FGGY: variants seen among roughly 807,000 people sequenced by gnomAD.
FGGY encodes FGGY carbohydrate kinase domain-containing protein.
Under a neutral mutation model 71.3 loss-of-function variants are expected in FGGY, and 72 were observed. The observed-to-expected ratio is 1.01, with a 90% CI of 0.84 to 1.23. FGGY has a LOEUF of 1.23. FGGY is among the 50% of genes most tolerant of loss of function. The probability of loss-of-function intolerance (pLI) is 0.00; values close to 1 mark genes in which losing one functional copy is unlikely to be tolerated. For missense variants in FGGY, 668 were observed against 682.3 expected, an observed-to-expected ratio of 0.98 and a Z score of 0.23; for synonymous variants, 251 against 250.3, an observed-to-expected ratio of 1.00 and a Z score of -0.02.
intron 5 of FGGY, among the ~76,000 whole-genome samples, chr1:59,400,876 A>G (rs1285372804): frequency 1.3e-5 from 2 of 152,110 alleles, no homozygotes; most frequent in African/African-American, 4.8e-5. Context: ...GGCTCGAGCA[A>G]TCTGCCCTCC....
At chr1:59,305,829 T>C (rs2043357966) in intron 1 of FGGY, among the ~76,000 whole-genome samples, 1 of 152,228 alleles carries the variant, frequency 6.6e-6, no homozygotes, top group South Asian at 2.1e-4. Context: ...GTACGGATGA[T>C]TAGTACTCTC....
intron 2 of FGGY, among the ~76,000 whole-genome samples, chr1:59,336,944 T>C (rs2049665580): frequency 6.6e-6 from 1 of 151,506 alleles, no homozygotes; most frequent in African/African-American, 2.4e-5. Context: ...CTGAATGTAT[T>C]TGTCAGGTTT....
Position 59,535,340 on chromosome 1 carries a change from G to T in FGGY, c.800-18784G>T, listed in dbSNP as rs1434743327. Among the ~76,000 whole-genome samples, 3 of 152,164 alleles carry T rather than the reference G, an allele frequency of 2.0e-5. No individual in the cohort carries two copies. The East Asian group carries it at 5.8e-4, about 29-fold the overall frequency. On this transcript the variant is annotated intron_variant, in intron 7 of 15. Coordinates refer to ENST00000303721, the MANE Select transcript of FGGY (RefSeq NM_018291.5). The stretch of plus-strand genomic sequence containing the variant: ...CACCCAGATTCATAAAGCAAGTCCT[G>T]AGTGACCTACAAAGAGACTTAGACT...
rs1221165957 is a variant in FGGY at position 59,599,090 on chromosome 1, A to ATGTT, written c.904-8712_904-8709dup. Among the ~76,000 whole-genome samples the ATGTT allele has an allele frequency of 2.6e-3, 356 of 135,814 alleles. 5 individuals carry two copies. Among genetic ancestry groups the ATGTT allele is most frequent in the African/African-American group, 8.4e-3 (338 of 40,170 alleles). 89.1% of individuals were successfully genotyped at this position (135,814 alleles called of 152,430 possible). On this transcript the variant is annotated intron_variant, in intron 8 of 15. Coordinates refer to ENST00000303721, the MANE Select transcript of FGGY (RefSeq NM_018291.5). The stretch of plus-strand genomic sequence containing the variant: ...GATAACATTGAGTTCAGTCCTACAC[A>ATGTT]TGTTCGTTTGTTTGTTTGTTTGTTT...
intron 9 of FGGY, among the ~76,000 whole-genome samples, chr1:59,612,042 C>T (rs1177874449): frequency 2.0e-5 from 3 of 152,110 alleles, no homozygotes; most frequent in Admixed American, 6.5e-5. Flanking sequence ...CTGAAAGTGA[C>T]GGGGAGAATG....
At position 59,388,934 on chromosome 1, in the gene FGGY, C is replaced by T. The variant is rs550873542; in HGVS notation, c.554+10097C>T. Among the ~76,000 whole-genome samples, 3 of 152,038 alleles carry T rather than the reference C, an allele frequency of 2.0e-5. No homozygotes were observed. In the East Asian group the frequency reaches 5.8e-4, roughly 29 times the overall value. ...CTGCTACTATTAAATAATAACTCCC[C>T]ATTTCCCTCTTTACCTATCCCCTCT... On this transcript the variant is annotated intron_variant, in intron 5 of 15. Transcript: ENST00000303721.
At chr1:59,369,649 C>A (rs2057233878) in intron 4 of FGGY, among the ~76,000 whole-genome samples, 1 of 152,210 alleles carries the variant, frequency 6.6e-6, no homozygotes, top group South Asian at 2.1e-4. Flanking sequence ...AGCAGCCTAA[C>A]TGGGAGGCAC....
chr1:59,698,710 C>T (rs1363706684), intron 14 of FGGY: 4 of 966,866 alleles, frequency 4.1e-6, no homozygotes, highest in East Asian at 1.1e-4. Flanking sequence ...AGGGATGAAT[C>T]CATTACCTTT....
intron 14 of FGGY, among the ~76,000 whole-genome samples, chr1:59,690,378 C>T (rs533451147): frequency 1.6e-4 from 24 of 152,170 alleles, no homozygotes; most frequent in African/African-American, 2.9e-4. Context: ...CAAGAGGCCA[C>T]GCGCTTTCCC....
At chr1:59,645,025 T>G (rs2097078683) in intron 11 of FGGY, among the ~76,000 whole-genome samples, 1 of 152,066 alleles carries the variant, frequency 6.6e-6, no homozygotes, top group Non-Finnish European at 1.5e-5. Flanking sequence ...CAGGAATAGT[T>G]GCATGTTTTA....
intron 15 of FGGY, among the ~76,000 whole-genome samples, chr1:59,760,543 C>T (rs888582531): frequency 1.3e-5 from 2 of 152,122 alleles, no homozygotes; most frequent in South Asian, 2.1e-4. Context: ...TGAGAGCAAC[C>T]TAAGTGTTCA....
At chr1:59,638,814 G>A (rs569748189) in intron 11 of FGGY, among the ~76,000 whole-genome samples, 1 of 152,310 alleles carries the variant, frequency 6.6e-6, no homozygotes, top group East Asian at 1.9e-4. Context: ...CACTAATATA[G>A]TTAGGATTTC....
At chr1:59,478,329 A>T (rs919200706) in intron 6 of FGGY, among the ~76,000 whole-genome samples, 3 of 152,240 alleles carry the variant, frequency 2.0e-5, no homozygotes, top group African/African-American at 7.2e-5. Flanking sequence ...AATTGACAGC[A>T]TATTGAAGCC....
At chr1:59,708,340 C>T (rs948614389) in intron 14 of FGGY, among the ~76,000 whole-genome samples, 6 of 152,058 alleles carry the variant, frequency 3.9e-5, no homozygotes, top group Non-Finnish European at 8.8e-5. Context: ...TCCCAGATTT[C>T]CAGAGTTACT....
chr1:59,307,945 G>A (rs897034331), intron 1 of FGGY, among the ~76,000 whole-genome samples: 3 of 152,122 alleles, frequency 2.0e-5, no homozygotes, highest in Non-Finnish European at 4.4e-5. Flanking sequence ...TGGATGCTGG[G>A]CTGGATGGGC....
At chr1:59,455,710 A>G (rs1251992365) in intron 5 of FGGY, among the ~76,000 whole-genome samples, 1 of 152,232 alleles carries the variant, frequency 6.6e-6, no homozygotes, top group Non-Finnish European at 1.5e-5. Context: ...CCAGCATGAT[A>G]AGGGCTATGG....
chr1:59,348,967 A>G (rs1200935676), intron 4 of FGGY, among the ~76,000 whole-genome samples: 2 of 152,128 alleles, frequency 1.3e-5, no homozygotes, highest in Non-Finnish European at 2.9e-5. Flanking sequence ...GGAGAGTTGT[A>G]TTAACCAGTT....
chr1:59,581,654 C>T (rs2096196978), intron 8 of FGGY, among the ~76,000 whole-genome samples: 1 of 149,954 alleles, frequency 6.7e-6, no homozygotes, highest in Admixed American at 6.6e-5. Flanking sequence ...AATTAAAAGT[C>T]AGTGGACATT....
chr1:59,726,614 G>C (rs1192036629), intron 14 of FGGY, among the ~76,000 whole-genome samples: 1 of 152,136 alleles, frequency 6.6e-6, no homozygotes, highest in African/African-American at 2.4e-5. Flanking sequence ...AGTGGATACA[G>C]CTCTATTCAG....
Sources: gnomAD v4.1 joint callset for allele counts (sites outside exome capture counted in the v4.1 genomes callset) on GRCh38, gnomAD v4.1.1 for gene constraint, MANE v1.5 for transcripts, NCBI Gene and HGNC (gene_info 2026-07-23, HGNC 2026-07-21) for gene names.